The following SCFD2 variants were observed in gnomAD, a reference collection of about 807,000 sequenced individuals.
The protein encoded by SCFD2 is sec1 family domain containing 2, also known as sec1 family domain-containing protein 2.
In SCFD2, 54 loss-of-function variants were observed where a neutral mutation model predicts 58.9. The observed-to-expected ratio is 0.92, with a 90% CI of 0.74 to 1.15. The LOEUF (loss-of-function observed/expected upper bound fraction) is 1.15, where lower values mean the gene tolerates loss of function less well. Ranked by LOEUF, SCFD2 falls within the 50% of genes most tolerant of loss-of-function variation. SCFD2 has a pLI of 0.00. For missense variants in SCFD2, 805 were observed against 836.6 expected, an observed-to-expected ratio of 0.96 and a Z score of 0.47; for synonymous variants, 321 against 335.9, an observed-to-expected ratio of 0.96 and a Z score of 0.49.
intron 3 of SCFD2, among the ~76,000 whole-genome samples, chr4:53,303,135 A>G (rs567814170): frequency 2.6e-5 from 4 of 152,250 alleles, no homozygotes; most frequent in Non-Finnish European, 5.9e-5. Flanking sequence ...TCTGCACAGC[A>G]AAAGAAACTA....
At chr4:53,062,566 T>G (rs1371647609) in intron 5 of SCFD2, among the ~76,000 whole-genome samples, 1 of 152,142 alleles carries the variant, frequency 6.6e-6, no homozygotes, top group Non-Finnish European at 1.5e-5. Flanking sequence ...ATTTTTTTGT[T>G]TAAGTATCAT....
chr4:53,222,122 C>A (rs939732594), intron 4 of SCFD2, among the ~76,000 whole-genome samples: 1 of 152,214 alleles, frequency 6.6e-6, no homozygotes, highest in Non-Finnish European at 1.5e-5. Context: ...ACCATCTCAT[C>A]TGGATTATGT....
chr4:52,913,928 T>C (rs1719545227), intron 6 of SCFD2, among the ~76,000 whole-genome samples: 1 of 152,228 alleles, frequency 6.6e-6, no homozygotes, highest in Admixed American at 6.5e-5. Context: ...TCTAACTGTT[T>C]GCTACAGAAG....
At chr4:53,273,740 C>T (rs777352867) in intron 4 of SCFD2, 86 bp downstream of exon 4, 69 of 1,139,444 alleles carry the variant, frequency 6.1e-5, no homozygotes, top group Non-Finnish European at 7.9e-5. Context: ...TGATTTATTA[C>T]TAAGGCTATA....
intron 5 of SCFD2, chr4:52,956,010 G>T (rs1405562236): frequency 1.1e-5 from 5 of 455,902 alleles, no homozygotes; most frequent in African/African-American, 2.0e-5. Context: ...CACCATGGAG[G>T]CTTCACTGTG....
chr4:52,964,490 C>T (rs747036349), intron 5 of SCFD2, among the ~76,000 whole-genome samples: 1 of 152,180 alleles, frequency 6.6e-6, no homozygotes, highest in Non-Finnish European at 1.5e-5. Context: ...TTTCCAACGG[C>T]CCTGTCAGCA....
chr4:53,271,424 T>C (rs577075556), intron 4 of SCFD2, among the ~76,000 whole-genome samples: 19 of 148,734 alleles, frequency 1.3e-4, no homozygotes, highest in African/African-American at 4.7e-4. Flanking sequence ...GAGCTAGATC[T>C]ACATACATCA....
chr4:53,048,824 G>C (rs1247429589), intron 5 of SCFD2, among the ~76,000 whole-genome samples: 1 of 152,090 alleles, frequency 6.6e-6, no homozygotes, highest in Non-Finnish European at 1.5e-5. Flanking sequence ...TTCCTCTAAA[G>C]CTGCTCACAT....
intron 4 of SCFD2, among the ~76,000 whole-genome samples, chr4:53,213,192 T>G (rs1251495823): frequency 1.3e-5 from 2 of 152,136 alleles, no homozygotes; most frequent in Admixed American, 1.3e-4. Context: ...CAGTTGCATA[T>G]AAGACTTTAA....
chr4:53,141,844 C>T (rs1463832131), intron 5 of SCFD2, among the ~76,000 whole-genome samples: 7 of 152,164 alleles, frequency 4.6e-5, no homozygotes, highest in African/African-American at 1.7e-4. Flanking sequence ...AAAAGTCTGT[C>T]CCAGCTCTCA....
In SCFD2 at chr4:53,222,038, T is replaced by A. The variant is rs191453944; in HGVS notation, c.1311+51788A>T. 1.1e-4 allele frequency among the ~76,000 whole-genome samples: 16 copies of A among 152,356 alleles called. No homozygotes were observed. The East Asian group carries it at 2.5e-3, about 24-fold the overall frequency. ...ACCAGACAGGTTCCTGGCCACATTG[T>A]TTTTCCATTAGGCTTATGACTAAAA... On this transcript the variant is annotated intron_variant, in intron 4 of 8. Coordinates refer to ENST00000401642, the MANE Select transcript of SCFD2 (RefSeq NM_152540.4).
intron 5 of SCFD2, among the ~76,000 whole-genome samples, chr4:53,043,353 G>A (rs1722945891): frequency 6.6e-6 from 1 of 152,136 alleles, no homozygotes; most frequent in Non-Finnish European, 1.5e-5. Context: ...GGAGATCTTA[G>A]CTGTCAACTA....
At chr4:52,909,564 G>A (rs182182569) in intron 6 of SCFD2, among the ~76,000 whole-genome samples, 4 of 152,094 alleles carry the variant, frequency 2.6e-5, no homozygotes, top group South Asian at 2.1e-4. Context: ...ATGGGGTGGC[G>A]GACCAAGCAA....
chr4:53,160,979 A>G (rs577716168), intron 4 of SCFD2, among the ~76,000 whole-genome samples: 2 of 152,378 alleles, frequency 1.3e-5, no homozygotes, highest in African/African-American at 4.8e-5. Flanking sequence ...GGAATATTAC[A>G]TAACAATGAG....
chr4:53,014,897 T>C (rs1722175230), intron 5 of SCFD2, among the ~76,000 whole-genome samples: 4 of 152,204 alleles, frequency 2.6e-5, no homozygotes, highest in Admixed American at 2.6e-4. Flanking sequence ...GAATCTCTAT[T>C]TTGTGAAAAA....
At chr4:53,281,708 A>T (rs1280930741) in intron 3 of SCFD2, among the ~76,000 whole-genome samples, 1 of 152,260 alleles carries the variant, frequency 6.6e-6, no homozygotes, top group Non-Finnish European at 1.5e-5. Context: ...AGCAAACAAA[A>T]GATTGCAACA....
intron 6 of SCFD2, among the ~76,000 whole-genome samples, chr4:52,912,798 G>A (rs564903035): frequency 6.6e-6 from 1 of 152,144 alleles, no homozygotes; most frequent in Non-Finnish European, 1.5e-5. Flanking sequence ...GGAACCCTCT[G>A]ACTTGCATGA....
rs115274392 is a variant in SCFD2, at chr4:52,955,529, G to A, written c.1562-34659C>T. 9.8e-3 allele frequency among the ~76,000 whole-genome samples: 1,489 copies of A among 152,278 alleles called. 14 individuals are homozygous for A. Among genetic ancestry groups the A allele is most frequent in the Non-Finnish European group, 0.017 (1,123 of 68,024 alleles). On this transcript the variant is annotated intron_variant, in intron 5 of 8. Coordinates refer to ENST00000401642, the MANE Select transcript of SCFD2 (RefSeq NM_152540.4). ...CTGTGCCTAGCGTCAGTTTTCATGC[G>A]TGGGAACTGAGGCACAGAGGGGTTA...
chr4:52,919,204 G>A lies in SCFD2; in HGVS notation c.1707+1521C>T, dbSNP rs566341968. Among the ~76,000 whole-genome samples, 4 of 152,206 alleles carry A rather than the reference G, an allele frequency of 2.6e-5. No individual in the cohort carries two copies. The East Asian group carries it at 5.8e-4, about 22-fold the overall frequency. On this transcript the variant is annotated intron_variant, in intron 6 of 8. Transcript: ENST00000401642. ...GTGAAGTTGGCCAAATCAGTCACCCGGATGACATAAAATGGGAAAGACCTC... is the reference window on the plus strand; with the variant it reads ...GTGAAGTTGGCCAAATCAGTCACCCAGATGACATAAAATGGGAAAGACCTC...
Sources: allele counts gnomAD v4.1 joint callset (sites outside exome capture counted in the v4.1 genomes callset), GRCh38; gene constraint gnomAD v4.1.1; transcripts MANE v1.5; gene names NCBI Gene and HGNC (gene_info 2026-07-23, HGNC 2026-07-21).